Variants in CDH13 observed in about 807,000 individuals in gnomAD.
CDH13 encodes the protein cadherin-13.
Under a neutral mutation model 63.8 loss-of-function variants are expected in CDH13, and 24 were observed. That is an observed-to-expected ratio of 0.38 (90% confidence interval 0.27 to 0.53). The LOEUF (loss-of-function observed/expected upper bound fraction) is 0.53, where lower values mean the gene tolerates loss of function less well. Among genes scored for constraint, CDH13 ranks in the 20% least tolerant of loss-of-function variants. The pLI, the probability that CDH13 is intolerant of heterozygous loss-of-function variation, is 0.85. For missense variants in CDH13, 1,049 were observed against 903.1 expected, an observed-to-expected ratio of 1.16 and a Z score of -2.07; for synonymous variants, 503 against 355.3, an observed-to-expected ratio of 1.42 and a Z score of -4.67.
chr16:83,075,226 C>T (rs1008511568), intron 3 of CDH13, among the ~76,000 whole-genome samples: 6 of 152,188 alleles, frequency 3.9e-5, no homozygotes, highest in African/African-American at 1.2e-4. Flanking sequence ...CCAACTCCCT[C>T]ACTTGTGATT....
At chr16:83,375,575 GT>G (rs533561683) in intron 6 of CDH13, among the ~76,000 whole-genome samples, 30 of 152,296 alleles carry the variant, frequency 2.0e-4, no homozygotes, top group African/African-American at 6.0e-4. Flanking sequence ...AGGCTTGTAT[GT>G]TGTATATTTA....
In CDH13 at chr16:83,064,267, G is replaced by C. The variant is rs541690995; in HGVS notation, c.366+32049G>C. ...ACCTGTGATCCCAGCTATTCAAGAG[G>C]CTGAGATAGGAAAATCGCTTGAACC... On this transcript the variant is annotated intron_variant, in intron 3 of 13. Transcript: ENST00000567109. Among the ~76,000 whole-genome samples, 567 of 152,256 alleles carry C rather than the reference G, an allele frequency of 3.7e-3. 4 individuals are homozygous for C. The highest frequency in any genetic ancestry group is 5.1e-3 in the Non-Finnish European group (346 of 68,016).
chr16:82,839,890 G>A (rs929268958), intron 1 of CDH13, among the ~76,000 whole-genome samples: 2 of 152,170 alleles, frequency 1.3e-5, no homozygotes, highest in African/African-American at 4.8e-5. Flanking sequence ...GACTTACTTT[G>A]AAAGAGCAGT....
chr16:82,913,623 C>G (rs375785512), intron 2 of CDH13, among the ~76,000 whole-genome samples: 1 of 152,078 alleles, frequency 6.6e-6, no homozygotes, highest in African/African-American at 2.4e-5. Flanking sequence ...GAGCAGGTAA[C>G]CAGGCACAAG....
At chr16:83,562,750 T>C (rs1046240797) in intron 7 of CDH13, among the ~76,000 whole-genome samples, 2 of 152,208 alleles carry the variant, frequency 1.3e-5, no homozygotes, top group Non-Finnish European at 2.9e-5. Flanking sequence ...ACAAAAGTCG[T>C]CTTGAAGGGA....
chr16:83,308,634 A>G (rs1325740407), intron 5 of CDH13, among the ~76,000 whole-genome samples: 4 of 152,250 alleles, frequency 2.6e-5, no homozygotes, highest in African/African-American at 4.8e-5. Context: ...GCACAGATCC[A>G]TGGAAAGAAC....
chr16:83,233,735 T>C (rs974754093), intron 5 of CDH13, among the ~76,000 whole-genome samples: 6 of 152,178 alleles, frequency 3.9e-5, no homozygotes, highest in Non-Finnish European at 7.3e-5. Context: ...TATGAGTCCA[T>C]TGGGCCCATC....
intron 3 of CDH13, among the ~76,000 whole-genome samples, chr16:83,118,028 T>A (rs1007228939): frequency 1.3e-5 from 2 of 152,080 alleles, no homozygotes; most frequent in Non-Finnish European, 2.9e-5. Context: ...TCTAATAGAA[T>A]CCAGCATGCG....
intron 7 of CDH13, among the ~76,000 whole-genome samples, chr16:83,601,070 T>C (rs1907743408): frequency 6.6e-6 from 1 of 152,144 alleles, no homozygotes; most frequent in Non-Finnish European, 1.5e-5. Flanking sequence ...CTTAACATTA[T>C]ATCACTGGAA....
At chr16:83,254,970 TCTTTC>T (rs1906057909) in intron 5 of CDH13, among the ~76,000 whole-genome samples, 1 of 10,494 alleles carries the variant, frequency 9.5e-5, no homozygotes, top group African/African-American at 1.4e-4. Flanking sequence ...TTTCTTTCTT[TCTTTC>T]TTTCTTTCTT....
intron 11 of CDH13, among the ~76,000 whole-genome samples, chr16:83,753,497 G>T (rs1913261336): frequency 6.6e-6 from 1 of 152,126 alleles, no homozygotes. Flanking sequence ...AGTGAGCCAA[G>T]ATCACACCGC....
chr16:83,486,083 C>T (rs1333732863), intron 6 of CDH13, among the ~76,000 whole-genome samples: 1 of 152,024 alleles, frequency 6.6e-6, no homozygotes, highest in African/African-American at 2.4e-5. Context: ...GCGGAGGTTG[C>T]AGTAAGCCAA....
chr16:82,762,117 G>A (rs1054551341), intron 1 of CDH13, among the ~76,000 whole-genome samples: 2 of 152,148 alleles, frequency 1.3e-5, no homozygotes, highest in Non-Finnish European at 1.5e-5. Context: ...GAGTACCTTG[G>A]ACTGCTGGCT....
chr16:83,351,669 A>G (rs1487010636), intron 6 of CDH13, among the ~76,000 whole-genome samples: 2 of 152,210 alleles, frequency 1.3e-5, no homozygotes, highest in South Asian at 2.1e-4. Context: ...CACTTCCATC[A>G]ATTCTGCAGA....
At chr16:83,764,980 C>T (rs1328734266) in intron 11 of CDH13, among the ~76,000 whole-genome samples, 2 of 152,224 alleles carry the variant, frequency 1.3e-5, no homozygotes, top group Admixed American at 1.3e-4. Context: ...CAACAACCTT[C>T]ATCCTCTCTA....
At position 83,330,989 on chromosome 16, in the gene CDH13, A is replaced by G. The variant is rs114884874; in HGVS notation, c.637-13873A>G. 2.9e-3 allele frequency among the ~76,000 whole-genome samples: 449 copies of G among 152,344 alleles called. 4 individuals carry two copies. The highest frequency in any genetic ancestry group is 0.01 in the African/African-American group (427 of 41,586). ...GGATAATATTTACTTAATGATTGCT[A>G]TGTGGCAAGTGTTTTGCTAAATGCT... On this transcript the variant is annotated intron_variant, in intron 5 of 13. Transcript: ENST00000567109.
chr16:82,775,750 G>GA (rs1406103757), intron 1 of CDH13, among the ~76,000 whole-genome samples: 3 of 152,260 alleles, frequency 2.0e-5, no homozygotes, highest in Middle Eastern at 3.4e-3. Flanking sequence ...GTAAAGCTCT[G>GA]AGCACAGGGC....
At chr16:83,280,638 A>T (rs114807857) in intron 5 of CDH13, among the ~76,000 whole-genome samples, 1,816 of 152,304 alleles carry the variant, frequency 0.012, 39 homozygotes, top group African/African-American at 0.042. Flanking sequence ...TTTTCAGTTT[A>T]CTTTGCCCAG....
intron 1 of CDH13, among the ~76,000 whole-genome samples, chr16:82,822,951 G>A (rs896272325): frequency 6.6e-6 from 1 of 152,162 alleles, no homozygotes; most frequent in African/African-American, 2.4e-5. Flanking sequence ...ATCTGGAAGT[G>A]CGCTCGCTCA....
Sources: allele counts gnomAD v4.1 joint callset (sites outside exome capture counted in the v4.1 genomes callset), GRCh38; gene constraint gnomAD v4.1.1; transcripts MANE v1.5; gene names NCBI Gene and HGNC (gene_info 2026-07-23, HGNC 2026-07-21).